The following TIPIN variants were observed in gnomAD, a reference collection of about 807,000 sequenced individuals.
TIPIN encodes the protein TIMELESS-interacting protein.
TIPIN carries 29 observed loss-of-function variants against 35.6 expected under a neutral mutation model. The observed-to-expected ratio is 0.82, with a 90% confidence interval of 0.61 to 1.11. The LOEUF is 1.11. Among genes scored for constraint, TIPIN ranks in the 50% most tolerant of loss-of-function variants. TIPIN has a pLI of 0.00. For missense variants in TIPIN, 296 were observed against 345.4 expected (o/e 0.86, Z 1.13); for synonymous variants, 102 against 121.5 (o/e 0.84, Z 1.06).
intron 6 of TIPIN, among the ~76,000 whole-genome samples, chr15:66,344,562 G>A (rs1328049538): frequency 6.6e-6 from 1 of 151,950 alleles, no homozygotes; most frequent in East Asian, 1.9e-4. Context: ...ATTAAAATGA[G>A]ATTTAAAGCT....
At chr15:66,363,673 G>A (rs2093240762) in intron 1 of TIPIN, among the ~76,000 whole-genome samples, 1 of 149,228 alleles carries the variant, frequency 6.7e-6, no homozygotes, top group Non-Finnish European at 1.5e-5. Context: ...CTGCTTTCTT[G>A]ATGACCTCAC....
chr15:66,353,003 A>G (rs28614039), intron 1 of TIPIN, 48 bp from the exon 2 acceptor site: 480,325 of 1,562,686 alleles, frequency 0.31, 75,793 homozygotes, highest in South Asian at 0.34. Flanking sequence ...AATAGTCTCC[A>G]CTATATAGAC....
intron 6 of TIPIN, among the ~76,000 whole-genome samples, chr15:66,342,872 G>T (rs576861312): frequency 6.6e-6 from 1 of 152,236 alleles, no homozygotes; most frequent in Admixed American, 6.5e-5. Flanking sequence ...ATCCACAGTG[G>T]TATTAAAGTA....
chr15:66,369,386 G>A (rs1158797883), intron 1 of TIPIN, among the ~76,000 whole-genome samples: 1 of 118,780 alleles, frequency 8.4e-6, no homozygotes, highest in Non-Finnish European at 1.6e-5. Flanking sequence ...ACAGAGTCTC[G>A]CTCTGTCGCC....
chr15:66,344,958 G>A (rs2093114030), intron 6 of TIPIN, among the ~76,000 whole-genome samples: 1 of 152,162 alleles, frequency 6.6e-6, no homozygotes, highest in African/African-American at 2.4e-5. Flanking sequence ...AAGTGATTAT[G>A]GCAAAGAAGC....
At chr15:66,350,527 C>G (rs900070994) in intron 4 of TIPIN, among the ~76,000 whole-genome samples, 6 of 151,730 alleles carry the variant, frequency 4.0e-5, no homozygotes, top group Non-Finnish European at 7.4e-5. Flanking sequence ...ATCGCTTGAA[C>G]CCAAGCGGCG....
chr15:66,355,980 C>G (rs918935550), intron 1 of TIPIN, among the ~76,000 whole-genome samples: 5 of 152,066 alleles, frequency 3.3e-5, no homozygotes, highest in African/African-American at 1.2e-4. Flanking sequence ...GCTCAATAGA[C>G]GACTTTTACT....
chr15:66,362,177 C>T (rs1198226611), intron 1 of TIPIN, among the ~76,000 whole-genome samples: 2 of 151,612 alleles, frequency 1.3e-5, no homozygotes, highest in Non-Finnish European at 2.9e-5. Flanking sequence ...GTGGCACATG[C>T]CTGTAATTCC....
Position 66,366,364 on chromosome 15 carries a change from G to A in TIPIN, c.-8-13409C>T, listed in dbSNP as rs539305403. Among the ~76,000 whole-genome samples, 60 of 152,092 alleles carry A rather than the reference G, an allele frequency of 3.9e-4. No homozygotes were observed. The Middle Eastern group carries it at 0.01, about 26-fold the overall frequency. On this transcript the variant is annotated intron_variant, in intron 1 of 7. Transcript: ENST00000562124. ...AGCTACTCGGGAGGCTGAGACAAGA[G>A]GATTGCTTGAATCTGGGAGGCAGAG...
At chr15:66,337,893 A>G (rs2093057051) in intron 7 of TIPIN, among the ~76,000 whole-genome samples, 1 of 151,592 alleles carries the variant, frequency 6.6e-6, no homozygotes, top group Non-Finnish European at 1.5e-5. Flanking sequence ...AAAAAAGCAA[A>G]ATGGTTTTGA....
At chr15:66,375,190 G>C (rs971518274) in intron 1 of TIPIN, among the ~76,000 whole-genome samples, 1 of 152,104 alleles carries the variant, frequency 6.6e-6, no homozygotes, top group African/African-American at 2.4e-5. Flanking sequence ...GAGGTGAGAA[G>C]ATCGCTTGAG....
intron 7 of TIPIN, among the ~76,000 whole-genome samples, chr15:66,337,909 A>T (rs1452082746): frequency 1.3e-5 from 2 of 151,972 alleles, no homozygotes; most frequent in African/African-American, 4.8e-5. Flanking sequence ...TTTGAATGTT[A>T]TTCAACTCAC....
chr15:66,382,891 A>T (rs1040095010), intron 1 of TIPIN: 1 of 935,386 alleles, frequency 1.1e-6, no homozygotes, highest in Non-Finnish European at 1.3e-6. Context: ...TATGGTCAGC[A>T]CTTATGTTAG....
intron 6 of TIPIN, among the ~76,000 whole-genome samples, chr15:66,346,420 A>AC (rs1468794625): frequency 6.7e-6 from 1 of 150,106 alleles, no homozygotes; most frequent in Non-Finnish European, 1.5e-5. Context: ...TCTTCCTCTC[A>AC]CCCCCAAATC....
At chr15:66,365,763 T>C (rs1445958904) in intron 1 of TIPIN, among the ~76,000 whole-genome samples, 2 of 152,132 alleles carry the variant, frequency 1.3e-5, no homozygotes, top group Admixed American at 6.6e-5. Flanking sequence ...GTCAGGCTGG[T>C]CTCGAACTCC....
In TIPIN at chr15:66,352,973, A is replaced by G. The variant is rs746085991; in HGVS notation, c.-8-18T>C. On this transcript the variant is annotated intron_variant, in intron 1 of 7. Coordinates refer to ENST00000261881, the MANE Select transcript of TIPIN (RefSeq NM_017858.3). ...CTTTTCCTCTAGGGGAAAAAATTAA[A>G]GTTATTTGTATTCATCCAAAATAGT... 2 of 1,606,284 alleles carry G rather than the reference A, an allele frequency of 1.2e-6. No homozygotes were observed. Among genetic ancestry groups the G allele is most frequent in the East Asian group, 4.5e-5 (2 of 44,824 alleles).
chr15:66,351,408 C>T, intron 4 of TIPIN, 117 bp downstream of exon 4: 3 of 751,864 alleles, frequency 4.0e-6, no homozygotes, highest in Non-Finnish European at 6.9e-6. Flanking sequence ...TTTCTCAAGA[C>T]ATACGACGAC....
chr15:66,384,943 C>T (rs1353850597), intron 1 of TIPIN, among the ~76,000 whole-genome samples: 2 of 151,960 alleles, frequency 1.3e-5, no homozygotes, highest in Admixed American at 6.6e-5. Flanking sequence ...CAAAAACACC[C>T]CCCCAAAAAA....
chr15:66,368,356 CA>C (rs34733805), intron 1 of TIPIN, among the ~76,000 whole-genome samples: 205 of 123,680 alleles, frequency 1.7e-3, no homozygotes, highest in Middle Eastern at 4.1e-3. Context: ...CTCATCTTTA[CA>C]AAAAAAAAAA....
Sources: gnomAD v4.1 joint callset for allele counts (sites outside exome capture counted in the v4.1 genomes callset) on GRCh38, gnomAD v4.1.1 for gene constraint, MANE v1.5 for transcripts, NCBI Gene and HGNC (gene_info 2026-07-23, HGNC 2026-07-21) for gene names.